The following MPRIP variants were observed in gnomAD, a reference collection of about 807,000 sequenced individuals.
The protein encoded by MPRIP is myosin phosphatase Rho interacting protein, also known as myosin phosphatase Rho-interacting protein.
A neutral mutation model predicts 234.9 loss-of-function variants in MPRIP; 59 were observed. The observed-to-expected ratio is 0.25, with a 90% confidence interval of 0.20 to 0.31. The LOEUF is 0.31. MPRIP is among the 10% of genes least tolerant of loss of function. The probability of loss-of-function intolerance (pLI) is 1.00; values close to 1 mark genes in which losing one functional copy is unlikely to be tolerated. For synonymous variants in MPRIP, 1,144 were observed against 1,263.9 expected (o/e 0.91, Z 2.01); for missense variants, 2,436 against 3,071.0 (o/e 0.79, Z 4.89).
intron 5 of MPRIP, among the ~76,000 whole-genome samples, chr17:17,132,413 G>A (rs2090614896): frequency 6.6e-6 from 1 of 152,208 alleles, no homozygotes; most frequent in African/African-American, 2.4e-5. Context: ...GGAAGTTTTG[G>A]ACCTATTATA....
intron 1 of MPRIP, chr17:17,057,755 C>T (rs535823697): frequency 4.3e-5 from 31 of 714,494 alleles, no homozygotes; most frequent in South Asian, 1.2e-4. Context: ...GACCCCCACC[C>T]GCTGCCCCAT....
chr17:17,100,484 A>G (rs2089938484), intron 3 of MPRIP, among the ~76,000 whole-genome samples: 1 of 152,144 alleles, frequency 6.6e-6, no homozygotes, highest in Admixed American at 6.5e-5. Flanking sequence ...AGGGGTCCCC[A>G]GTGCCCAGGC....
chr17:17,119,489 C>T (rs563360563), intron 3 of MPRIP, among the ~76,000 whole-genome samples: 180 of 152,370 alleles, frequency 1.2e-3, no homozygotes, highest in Non-Finnish European at 2.1e-3. Context: ...GAGGACCACA[C>T]TTGTTCTGGG....
intron 19 of MPRIP, among the ~76,000 whole-genome samples, chr17:17,174,565 G>T (rs551492180): frequency 9.9e-5 from 15 of 152,106 alleles, no homozygotes; most frequent in Non-Finnish European, 1.6e-4. Context: ...GTCCGGGCGC[G>T]GTGGCTCACG....
At chr17:17,044,349 T>A (rs753047812) in intron 1 of MPRIP, among the ~76,000 whole-genome samples, 16 of 152,220 alleles carry the variant, frequency 1.1e-4, no homozygotes, top group Admixed American at 2.6e-4. Context: ...GTTTATGCGA[T>A]GAGGAGTTGT....
chr17:17,177,343 G>T lies in MPRIP; in HGVS notation c.7051G>T (p.Glu2351Ter). Residue 2351 changes from glutamate (E) to a stop codon, truncating the protein, a stop_gained, in exon 22 of 24, where the codon GAG (glutamate) becomes TAG (stop). Coordinates refer to ENST00000651222, the MANE Select transcript of MPRIP (RefSeq NM_001364716.4). LOFTEE classifies it high-confidence loss of function. Reference sequence around the variant, plus strand: ...TGACTGTGACATCAGCAGGTTGAAGGAGCAGCTCAAGGCTGCAACGGAAGC... The same window carrying T: ...TGACTGTGACATCAGCAGGTTGAAGTAGCAGCTCAAGGCTGCAACGGAAGC... ...KADCDISRLK[E>*]QLKAATEALG... 1 of 1,613,966 alleles carries T rather than the reference G, an allele frequency of 6.2e-7. No individual in the cohort carries two copies. The highest frequency in any genetic ancestry group is 1.1e-5 in the South Asian group (1 of 91,088).
intron 3 of MPRIP, among the ~76,000 whole-genome samples, chr17:17,085,786 G>A (rs1220908274): frequency 6.6e-6 from 1 of 152,204 alleles, no homozygotes; most frequent in Non-Finnish European, 1.5e-5. Context: ...GGTGGCGGGT[G>A]CCTGTACTCC....
chr17:17,129,652 G>A (rs1262397209), intron 4 of MPRIP, among the ~76,000 whole-genome samples: 1 of 152,042 alleles, frequency 6.6e-6, no homozygotes. Context: ...GCTCCACGTA[G>A]TCAGCAGAGC....
intron 1 of MPRIP, among the ~76,000 whole-genome samples, chr17:17,061,320 C>T (rs2088860842): frequency 6.6e-6 from 1 of 152,188 alleles, no homozygotes; most frequent in South Asian, 2.1e-4. Context: ...AGAAAGAGGG[C>T]CAGACGGCTG....
rs546275203 is a variant in MPRIP at position 17,069,364 on chromosome 17, T to A, written c.124-6346T>A. 2.6e-4 allele frequency among the ~76,000 whole-genome samples: 40 copies of A among 152,278 alleles called. No homozygotes were observed. In the Middle Eastern group the frequency reaches 0.01, roughly 39 times the overall value. On this transcript the variant is annotated intron_variant, in intron 1 of 23. Transcript: ENST00000651222. ...TAGACAGTGTACAGTTGAATTATTT[T>A]AAAAATCTACTCTATCAATCTTTTA...
chr17:17,137,902 A>G lies in MPRIP; in HGVS notation c.737-14A>G, dbSNP rs755344632. On this transcript the variant is annotated splice_polypyrimidine_tract_variant and intron_variant, in intron 6 of 23. Coordinates refer to ENST00000651222, the MANE Select transcript of MPRIP (RefSeq NM_001364716.4). Reference sequence around the variant, plus strand: ...AGGCTGAGTGCGTCTCCTCCCTCCCACTGTCTCTTCCAGAGGAGAGCGCCA... The same window carrying G: ...AGGCTGAGTGCGTCTCCTCCCTCCCGCTGTCTCTTCCAGAGGAGAGCGCCA... The G allele has an allele frequency of 3.1e-5, 48 of 1,567,356 alleles. No homozygotes were observed. The highest frequency in any genetic ancestry group is 4.1e-5 in the Non-Finnish European group (48 of 1,157,696).
At chr17:17,051,222 A>G (rs959549917) in intron 1 of MPRIP, among the ~76,000 whole-genome samples, 1 of 152,230 alleles carries the variant, frequency 6.6e-6, no homozygotes, top group African/African-American at 2.4e-5. Flanking sequence ...TTTAGCAGAA[A>G]TAAAGAAATT....
At chr17:17,089,080 C>G (rs1671949128) in intron 3 of MPRIP, among the ~76,000 whole-genome samples, 1 of 152,210 alleles carries the variant, frequency 6.6e-6, no homozygotes, top group African/African-American at 2.4e-5. Context: ...GAATCGAACT[C>G]CAGGGTGGCT....
At chr17:17,161,543 T>C (rs902447735) in intron 15 of MPRIP, among the ~76,000 whole-genome samples, 187 bp downstream of exon 15, 4 of 152,208 alleles carry the variant, frequency 2.6e-5, no homozygotes, top group African/African-American at 9.7e-5. Context: ...TGTTTGTTTT[T>C]CCCTCCTGAT....
chr17:17,064,927 G>A (rs1255588036), intron 1 of MPRIP, among the ~76,000 whole-genome samples: 3 of 152,130 alleles, frequency 2.0e-5, no homozygotes, highest in Admixed American at 6.5e-5. Flanking sequence ...TTTAAAAACT[G>A]CCAAACTGTC....
At chr17:17,043,660 AAC>A (rs758864355) in intron 1 of MPRIP, among the ~76,000 whole-genome samples, 7 of 152,304 alleles carry the variant, frequency 4.6e-5, no homozygotes, top group Admixed American at 3.3e-4. Flanking sequence ...ATAGCCATTA[AAC>A]ACAGAGTTCT....
intron 7 of MPRIP, among the ~76,000 whole-genome samples, chr17:17,139,122 T>C (rs2090762493): frequency 6.6e-6 from 1 of 152,258 alleles, no homozygotes; most frequent in Admixed American, 6.5e-5. Context: ...AGAACTTGAC[T>C]GCTGCCGAAG....
intron 23 of MPRIP, chr17:17,180,633 T>C: frequency 6.2e-7 from 1 of 1,614,076 alleles, no homozygotes; most frequent in South Asian, 1.1e-5. Flanking sequence ...TCTCGTGGGA[T>C]ACCTGAAATG....
chr17:17,158,387 C>A (rs933543254), intron 13 of MPRIP, 45 bp from the exon 14 acceptor site: 2 of 1,501,700 alleles, frequency 1.3e-6, no homozygotes, highest in Non-Finnish European at 1.8e-6. Flanking sequence ...GCAGGCCACA[C>A]CAGAGCCGCC....
Sources: allele counts gnomAD v4.1 joint callset (sites outside exome capture counted in the v4.1 genomes callset), GRCh38; gene constraint gnomAD v4.1.1; transcripts MANE v1.5; gene names NCBI Gene and HGNC (gene_info 2026-07-23, HGNC 2026-07-21).